PROM1: variants seen among roughly 807,000 people sequenced by gnomAD.
PROM1 encodes the protein prominin-1.
A neutral mutation model predicts 116.9 loss-of-function variants in PROM1; 105 were observed. The ratio of observed to expected loss-of-function variants is 0.90; its 90% CI spans 0.77 to 1.06. The LOEUF is 1.06. Among genes scored for constraint, PROM1 ranks in the 50% least tolerant of loss-of-function variants. The pLI is 0.00. For missense variants in PROM1, 1,122 were observed against 1,045.2 expected, an observed-to-expected ratio of 1.07 and a Z score of -1.01; for synonymous variants, 393 against 387.0, an observed-to-expected ratio of 1.02 and a Z score of -0.18.
intron 5 of PROM1, among the ~76,000 whole-genome samples, chr4:16,029,462 T>G (rs1732144870): frequency 6.6e-6 from 1 of 152,100 alleles, no homozygotes; most frequent in African/African-American, 2.4e-5. Context: ...AAGACACATC[T>G]GCTTAACAGT....
chr4:15,977,170 T>C (rs890693203), intron 26 of PROM1, among the ~76,000 whole-genome samples: 15 of 145,058 alleles, frequency 1.0e-4, no homozygotes, highest in African/African-American at 3.5e-4. Context: ...AAAGCCTGCC[T>C]GTGGCAGCCT....
chr4:16,045,542 C>T (rs561891195), intron 2 of PROM1, among the ~76,000 whole-genome samples: 1 of 152,188 alleles, frequency 6.6e-6, no homozygotes, highest in South Asian at 2.1e-4. Context: ...CACACCTTAC[C>T]GAATTAAGAC....
chr4:16,030,066 C>T (rs1732283374), intron 5 of PROM1, among the ~76,000 whole-genome samples: 2 of 152,100 alleles, frequency 1.3e-5, no homozygotes, highest in Admixed American at 1.3e-4. Context: ...TTAACTTTCC[C>T]CAGGTCTTTA....
At chr4:16,082,019 T>TG (rs1745139361) in intron 1 of PROM1, 1 of 152,104 alleles carries the variant, frequency 6.6e-6, no homozygotes, top group African/African-American at 2.4e-5. Flanking sequence ...GACAGTTGTT[T>TG]GAATTCTCCA....
rs948584316 is a variant in PROM1 at position 16,046,485 on chromosome 4, T to A, written c.221-7484A>T. Among the ~76,000 whole-genome samples, 5 of 152,362 alleles carry A rather than the reference T, an allele frequency of 3.3e-5. No individual in the cohort carries two copies. In the South Asian group the frequency reaches 1.0e-3, roughly 32 times the overall value. On this transcript the variant is annotated intron_variant, in intron 2 of 27. Transcript: ENST00000447510. ...ATTCAGAAATGTCTAGTTATTTGCA[T>A]AGCTTAACTCAATTTACCTTTCATC...
intron 9 of PROM1, among the ~76,000 whole-genome samples, chr4:16,017,503 C>A (rs1217107088): frequency 6.6e-6 from 1 of 152,172 alleles, no homozygotes; most frequent in Admixed American, 6.5e-5. Flanking sequence ...AAAAATGTAT[C>A]TATACTAAAA....
chr4:15,983,404 GA>G (rs1176716839), intron 23 of PROM1, among the ~76,000 whole-genome samples: 5 of 152,150 alleles, frequency 3.3e-5, no homozygotes, highest in Non-Finnish European at 7.3e-5. Context: ...ACAGAGTTCT[GA>G]AAATGTAGAA....
chr4:16,077,160 T>C lies in PROM1; in HGVS notation c.-212-1042A>G, dbSNP rs1225372161. ...AGTTGAGACAAGAGGAAGGCATCTG[T>C]CTCCTGCCCGTCCCTGGGCAATGGA... On this transcript the variant is annotated intron_variant, in intron 1 of 27. Coordinates refer to ENST00000447510, the MANE Select transcript of PROM1 (RefSeq NM_006017.3). Among the ~76,000 whole-genome samples the C allele has an allele frequency of 2.0e-5, 3 of 152,000 alleles. No individual in the cohort carries two copies. In the East Asian group the frequency reaches 5.8e-4, roughly 29 times the overall value.
intron 2 of PROM1, among the ~76,000 whole-genome samples, chr4:16,055,085 C>T (rs1738704751): frequency 6.6e-6 from 1 of 152,234 alleles, no homozygotes; most frequent in Non-Finnish European, 1.5e-5. Context: ...AATCCTGTAA[C>T]TCCTAACCCA....
At chr4:16,040,556 T>C (rs1271333168) in intron 2 of PROM1, among the ~76,000 whole-genome samples, 2 of 152,238 alleles carry the variant, frequency 1.3e-5, no homozygotes, top group African/African-American at 4.8e-5. Flanking sequence ...CACAGCATAA[T>C]ATGTTGCAAT....
At chr4:15,984,410 G>A in intron 22 of PROM1, 55 bp from the exon 23 acceptor site, 1 of 1,290,904 alleles carries the variant, frequency 7.7e-7, no homozygotes, top group Non-Finnish European at 1.1e-6. Flanking sequence ...AAACCCAAAG[G>A]AATGAGACGT....
intron 23 of PROM1, among the ~76,000 whole-genome samples, chr4:15,980,807 T>C (rs1244227298): frequency 2.0e-5 from 3 of 151,982 alleles, no homozygotes; most frequent in Non-Finnish European, 4.4e-5. Flanking sequence ...AAACAGCAAG[T>C]GGTAAAGCCA....
chr4:16,004,840 C>CTTTCTTTTT (rs1560460184), intron 13 of PROM1, among the ~76,000 whole-genome samples: 6 of 117,884 alleles, frequency 5.1e-5, no homozygotes, highest in African/African-American at 1.8e-4. Context: ...TTTCTTCCTT[C>CTTTCTTTTT]CTTCCTTCCT....
At chr4:16,015,026 A>G (rs2149283251) in intron 10 of PROM1, among the ~76,000 whole-genome samples, 1 of 152,264 alleles carries the variant, frequency 6.6e-6, no homozygotes, top group East Asian at 1.9e-4. Flanking sequence ...GACCTAGTCA[A>G]GAAGCCCAGG....
chr4:16,018,569 C>T (rs1729021788), intron 8 of PROM1, 29 bp from the exon 9 acceptor site: 6 of 1,567,938 alleles, frequency 3.8e-6, no homozygotes, highest in African/African-American at 1.4e-5. Flanking sequence ...CTTCAGAACA[C>T]ACATGCCAAG....
At chr4:16,073,192 A>C (rs973744619) in intron 2 of PROM1, among the ~76,000 whole-genome samples, 2 of 152,190 alleles carry the variant, frequency 1.3e-5, no homozygotes, top group African/African-American at 4.8e-5. Context: ...GCACGCTTTC[A>C]AATGAAAGGA....
chr4:16,055,961 T>C (rs181289485), intron 2 of PROM1, among the ~76,000 whole-genome samples: 130 of 152,074 alleles, frequency 8.5e-4, no homozygotes, highest in African/African-American at 3.1e-3. Flanking sequence ...GAGGGGTGAG[T>C]GAGTCTGCAA....
intron 2 of PROM1, among the ~76,000 whole-genome samples, chr4:16,066,802 C>T (rs1174283068): frequency 6.6e-6 from 1 of 152,170 alleles, no homozygotes; most frequent in African/African-American, 2.4e-5. Flanking sequence ...CCCTTTCCTG[C>T]ATGTATTGAA....
Position 16,075,999 on chromosome 4 carries a change from C to T in PROM1, c.-93G>A. The T allele has an allele frequency of 1.4e-6, 2 of 1,463,044 alleles. No individual in the cohort carries two copies. Among genetic ancestry groups the T allele is most frequent in the Non-Finnish European group, 1.8e-6 (2 of 1,105,924 alleles). The allele number at this position is 1,463,044 out of a possible 1,614,324, so 90.6% of individuals were successfully genotyped here. On this transcript the variant is annotated 5_prime_UTR_variant, in exon 2 of 28. Coordinates refer to ENST00000447510, the MANE Select transcript of PROM1 (RefSeq NM_006017.3). Reference sequence around the variant, plus strand: ...TGGGGAAGGCAAGCGTGTTCCTGGGCAGAAGAGGAGCAGGAAGCACTGGAT... The same window carrying T: ...TGGGGAAGGCAAGCGTGTTCCTGGGTAGAAGAGGAGCAGGAAGCACTGGAT...
Sources: gnomAD v4.1 joint callset for allele counts (sites outside exome capture counted in the v4.1 genomes callset) on GRCh38, gnomAD v4.1.1 for gene constraint, MANE v1.5 for transcripts, NCBI Gene and HGNC (gene_info 2026-07-23, HGNC 2026-07-21) for gene names.